KIF26B: variants seen among roughly 807,000 people sequenced by gnomAD.
The protein encoded by KIF26B is kinesin family member 26B.
Under a neutral mutation model 151.2 loss-of-function variants are expected in KIF26B, and 63 were observed. The ratio of observed to expected loss-of-function variants is 0.42; its 90% confidence interval spans 0.34 to 0.51. The LOEUF (loss-of-function observed/expected upper bound fraction) is 0.51, where lower values mean the gene tolerates loss of function less well. Among genes scored for constraint, KIF26B ranks in the 20% least tolerant of loss-of-function variants. The pLI is 0.07. For synonymous variants in KIF26B, 1,357 were observed against 1,262.1 expected, an observed-to-expected ratio of 1.08 and a Z score of -1.59; for missense variants, 2,813 against 2,913.6, an observed-to-expected ratio of 0.97 and a Z score of 0.79.
intron 9 of KIF26B, among the ~76,000 whole-genome samples, chr1:245,627,535 A>C (rs1289849605): frequency 6.6e-6 from 1 of 152,180 alleles, no homozygotes; most frequent in Non-Finnish European, 1.5e-5. Context: ...GAGAGCTGGA[A>C]AGATCTCAGA....
chr1:245,372,244 A>G (rs888710817), intron 3 of KIF26B, among the ~76,000 whole-genome samples: 1 of 152,142 alleles, frequency 6.6e-6, no homozygotes, highest in Non-Finnish European at 1.5e-5. Context: ...ATGAGAATCT[A>G]ATGCCTGATG....
chr1:245,483,685 T>A (rs1025478390), intron 4 of KIF26B, among the ~76,000 whole-genome samples: 2 of 151,818 alleles, frequency 1.3e-5, no homozygotes, highest in African/African-American at 4.8e-5. Flanking sequence ...GTAGTGAACT[T>A]GTAACAGCAG....
At chr1:245,266,308 A>G (rs1445666342) in intron 2 of KIF26B, among the ~76,000 whole-genome samples, 1 of 152,148 alleles carries the variant, frequency 6.6e-6, no homozygotes, top group Admixed American at 6.5e-5. Flanking sequence ...CTGACAAGGG[A>G]TATTGGTCAG....
intron 10 of KIF26B, among the ~76,000 whole-genome samples, chr1:245,670,938 T>C (rs1420970874): frequency 6.6e-6 from 1 of 150,544 alleles, no homozygotes; most frequent in African/African-American, 2.5e-5. Context: ...AAATACTAGA[T>C]CTTATTCTTT....
At chr1:245,449,379 T>A (rs1439726937) in intron 4 of KIF26B, among the ~76,000 whole-genome samples, 1 of 146,832 alleles carries the variant, frequency 6.8e-6, no homozygotes, top group Non-Finnish European at 1.5e-5. Context: ...TCCCAGTAAC[T>A]TTTTTTTTTT....
intron 2 of KIF26B, among the ~76,000 whole-genome samples, chr1:245,339,641 G>A (rs748395152): frequency 5.9e-5 from 9 of 152,252 alleles, no homozygotes; most frequent in Middle Eastern, 6.8e-3. Context: ...TAAAATTGAC[G>A]TTTTAAAGTA....
chr1:245,270,122 TTTC>T (rs1267324783), intron 2 of KIF26B, among the ~76,000 whole-genome samples: 2 of 105,432 alleles, frequency 1.9e-5, no homozygotes, highest in African/African-American at 3.8e-5. Flanking sequence ...GCTGTTCTTT[TTTC>T]TTCTTCCTTC....
chr1:245,705,794 T>C lies in KIF26B; in HGVS notation c.*3188T>C, dbSNP rs2044833506. 6.6e-6 allele frequency: 1 copy of C among 151,656 alleles called. No individual in the cohort carries two copies. Among genetic ancestry groups the C allele is most frequent in the African/African-American group, 2.4e-5 (1 of 41,252 alleles). 9.4% of individuals were successfully genotyped at this position (151,656 alleles called of 1,614,324 possible). A position where few individuals can be genotyped will look rare whatever the true frequency, so the allele number is the denominator to read the frequency against. ...GCACGGTGGTGCTGAGGAGCGAGAG[T>C]TTGCTTTATCATGGGCTTTCAGTTC... On this transcript the variant is annotated 3_prime_UTR_variant, in exon 15 of 15. Coordinates refer to ENST00000407071, the MANE Select transcript of KIF26B (RefSeq NM_018012.4).
chr1:245,228,945 T>TTTATTA (rs912813043), intron 2 of KIF26B, among the ~76,000 whole-genome samples: 1 of 151,494 alleles, frequency 6.6e-6, no homozygotes, highest in Admixed American at 6.6e-5. Context: ...GCTAGAGGGA[T>TTTATTA]TTATTATTAT....
intron 4 of KIF26B, among the ~76,000 whole-genome samples, chr1:245,421,025 T>C (rs781123932): frequency 2.0e-5 from 3 of 152,136 alleles, no homozygotes; most frequent in South Asian, 2.1e-4. Flanking sequence ...ACAACTTGAA[T>C]GTGTGGGAAG....
At chr1:245,254,436 G>A (rs1223067674) in intron 2 of KIF26B, among the ~76,000 whole-genome samples, 1 of 152,118 alleles carries the variant, frequency 6.6e-6, no homozygotes, top group African/African-American at 2.4e-5. Context: ...AACAAAGGGG[G>A]TTGGGGGAGG....
At chr1:245,610,288 C>G (rs1381705535) in intron 8 of KIF26B, among the ~76,000 whole-genome samples, 3 of 152,216 alleles carry the variant, frequency 2.0e-5, no homozygotes, top group Non-Finnish European at 4.4e-5. Flanking sequence ...ATACTCATTA[C>G]TCAAACCTGA....
chr1:245,588,536 A>G (rs1462114235), intron 5 of KIF26B, among the ~76,000 whole-genome samples: 1 of 152,154 alleles, frequency 6.6e-6, no homozygotes, highest in Non-Finnish European at 1.5e-5. Flanking sequence ...CACTTCACCC[A>G]GGCTGTCCCC....
intron 4 of KIF26B, among the ~76,000 whole-genome samples, chr1:245,474,377 G>A (rs113823451): frequency 2.0e-5 from 3 of 150,796 alleles, no homozygotes; most frequent in Non-Finnish European, 3.0e-5. Context: ...CAAAGTGCTG[G>A]GATTACAGGC....
At position 245,686,317 on chromosome 1, in the gene KIF26B, G is replaced by T. The variant is rs781747954; in HGVS notation, c.3334G>T (p.Gly1112Cys). 2.5e-6 allele frequency: 4 copies of T among 1,613,022 alleles called. No homozygotes were observed. In the African/African-American group the frequency reaches 4.0e-5, roughly 16 times the overall value. ...ACTGCCTCCCTCGAGCAAGGATTCC[G>T]GCGTGGCGTCTAGGGAGTCCTTGCT... ...APLPPSSKDS[G>C]VASRESLLQP... Residue 1112 changes from glycine to cysteine, a missense_variant, in exon 12 of 15, where the codon GGC (glycine) becomes TGC (cysteine). Coordinates refer to ENST00000407071, the MANE Select transcript of KIF26B (RefSeq NM_018012.4). The surrounding 1 kb of genome is among the most constrained non-coding windows in gnomAD (Gnocchi z 5.6).
At chr1:245,431,162 AGGGGGAAGCTTTT>A (rs1658767959) in intron 4 of KIF26B, among the ~76,000 whole-genome samples, 1 of 152,120 alleles carries the variant, frequency 6.6e-6, no homozygotes. Flanking sequence ...CAGAAGCTAT[AGGGGGAAGCTTTT>A]GGAACAACTA....
chr1:245,454,169 A>G (rs747483301), intron 4 of KIF26B, among the ~76,000 whole-genome samples: 6 of 152,204 alleles, frequency 3.9e-5, no homozygotes, highest in Non-Finnish European at 8.8e-5. Context: ...ATGAGTGAAG[A>G]AGGGAGCTGT....
intron 5 of KIF26B, among the ~76,000 whole-genome samples, chr1:245,587,708 G>A (rs985387976): frequency 2.6e-5 from 4 of 152,218 alleles, no homozygotes; most frequent in African/African-American, 9.6e-5. Context: ...GTAAGCCAGA[G>A]CTCTGAAACA....
At chr1:245,696,397 T>A (rs553573625) in intron 12 of KIF26B, among the ~76,000 whole-genome samples, 2 of 152,204 alleles carry the variant, frequency 1.3e-5, no homozygotes, top group African/African-American at 2.4e-5. Flanking sequence ...TTCAGATGAG[T>A]GCAGCCCTAG....
Sources: allele counts gnomAD v4.1 joint callset (sites outside exome capture counted in the v4.1 genomes callset), GRCh38; gene constraint gnomAD v4.1.1; non-coding constraint Gnocchi (gnomAD v3.1); transcripts MANE v1.5; gene names NCBI Gene and HGNC (gene_info 2026-07-23, HGNC 2026-07-21).